The following IFNA13 variants were observed in gnomAD, a reference collection of about 807,000 sequenced individuals.
IFNA13 encodes interferon alpha-13.
For missense variants in IFNA13, 166 were observed against 220.7 expected, an observed-to-expected ratio of 0.75 and a Z score of 1.57; for synonymous variants, 61 against 86.3, an observed-to-expected ratio of 0.71 and a Z score of 1.62.
At chr9:21,367,438 T>A in exon 1 of IFNA13, 1 of 1,614,004 alleles carries the variant, frequency 6.2e-7, no homozygotes, top group East Asian at 2.2e-5. Context: ...GGACCAGGTG[T>A]TATTCCTTCC....
downstream of IFNA13, chr9:21,367,374 A>G: frequency 6.3e-7 from 1 of 1,595,198 alleles, no homozygotes; most frequent in South Asian, 1.1e-5. Context: ...TTGAAATGGC[A>G]GAATTCATGA....
exon 1 of IFNA13, chr9:21,367,742 T>G (rs761128431): frequency 6.9e-7 from 1 of 1,453,120 alleles, no homozygotes; most frequent in South Asian, 1.3e-5. Flanking sequence ...GGTAAAGAGG[T>G]TGAAGATCTG....
chr9:21,367,404 A>G (rs535510595), downstream of IFNA13: 5 of 1,612,820 alleles, frequency 3.1e-6, no homozygotes, highest in Non-Finnish European at 4.2e-6. Context: ...CTGGTATATG[A>G]GTCAATAAGA....
exon 1 of IFNA13, chr9:21,367,704 C>T: frequency 2.8e-6 from 4 of 1,432,400 alleles, no homozygotes; most frequent in East Asian, 2.4e-5. Context: ...AGGAGGTCCT[C>T]ATCCCAAGCA....
Position 21,367,520 on chromosome 9 carries a change from G to C in IFNA13, c.491C>G (p.Ala164Gly), listed in dbSNP as rs145283706. The change falls in exon 1 of 1, where the codon GCC becomes GGC. Residue 164 changes from alanine (A) to glycine (G), a missense_variant. Coordinates refer to ENST00000610660, the Ensembl canonical transcript of IFNA13. The stretch of plus-strand genomic sequence containing the variant: ...GATTTCTGCTCTGACAACCTCCCAG[G>C]CACAAGGGCTGTATTTCTTCTCTGT... The C allele has an allele frequency of 2.1e-3, 3,412 of 1,595,454 alleles. 30 individuals are homozygous for C. In the African/African-American group the frequency reaches 0.025, roughly 12 times the overall value.
chr9:21,367,512 C>T, exon 1 of IFNA13: 1 of 1,590,402 alleles, frequency 6.3e-7, no homozygotes, highest in Non-Finnish European at 8.5e-7. Flanking sequence ...GCTCTGACAA[C>T]CTCCCAGGCA....
chr9:21,367,443 C>T, exon 1 of IFNA13: 1 of 1,613,894 alleles, frequency 6.2e-7, no homozygotes, highest in South Asian at 1.1e-5. Context: ...AGGTGTTATT[C>T]CTTCCTCCTT....
downstream of IFNA13, chr9:21,367,381 A>G (rs1356895084): frequency 1.0e-5 from 16 of 1,599,500 alleles, no homozygotes; most frequent in Non-Finnish European, 1.4e-5. Flanking sequence ...GGCAGAATTC[A>G]TGAAAGCGTG....
Position 21,367,580 on chromosome 9 carries a change from A to G in IFNA13, c.431T>C (p.Val144Ala), listed in dbSNP as rs768784838. 1.6e-5 allele frequency: 25 copies of G among 1,604,646 alleles called. No individual in the cohort carries two copies. The South Asian group carries it at 2.2e-4, about 14-fold the overall frequency. The change falls in exon 1 of 1, where the codon GTG (valine) becomes GCG (alanine). Residue 144 changes from valine to alanine, a missense_variant. Val to Ala is a moderately conservative substitution (Grantham distance 64, BLOSUM62 0). Coordinates refer to ENST00000610660, the Ensembl canonical transcript of IFNA13. ...AGTGATTCTTCGGAAGTATTTCTTC[A>G]CAGCCAAGATGGAGTCCGCATTCAT...
At chr9:21,367,721 G>C in the IFNA13 span, 20 of 1,430,542 alleles carry the variant, frequency 1.4e-5, no homozygotes, top group Non-Finnish European at 1.8e-5. Flanking sequence ...AGCAGCAGAT[G>C]AATCTTTTGT....
Position 21,367,481 on chromosome 9 carries a change from G to A in IFNA13, c.530C>T (p.Ser177Phe), listed in dbSNP as rs555351965. 4.1e-5 allele frequency: 66 copies of A among 1,612,260 alleles called. 1 individual carries two copies. The East Asian group carries it at 1.4e-3, about 35-fold the overall frequency. ...TCTTTCTTGCAAGTTTGTTGATAAAGAGAGGGATCTCATGATTTCTGCTCT... is the reference window on the plus strand; with the variant it reads ...TCTTTCTTGCAAGTTTGTTGATAAAAAGAGGGATCTCATGATTTCTGCTCT... The change falls in exon 1 of 1, where the codon TCT becomes TTT. Residue 177 changes from serine to phenylalanine, a missense_variant. Ser to Phe is a radical substitution (Grantham distance 155). Coordinates refer to ENST00000610660, the Ensembl canonical transcript of IFNA13.
At chr9:21,367,435 G>T (rs111943210) in exon 1 of IFNA13, 1 of 1,612,920 alleles carries the variant, frequency 6.2e-7, no homozygotes, top group African/African-American at 1.3e-5. Flanking sequence ...GTTGGACCAG[G>T]TGTTATTCCT....
At chr9:21,367,819 C>G in exon 1 of IFNA13, 4 of 1,597,936 alleles carry the variant, frequency 2.5e-6, no homozygotes, top group African/African-American at 1.4e-5. Context: ...CAAACTCCTC[C>G]TGGGGAAATC....
exon 1 of IFNA13, chr9:21,367,883 G>T: frequency 6.2e-7 from 1 of 1,610,240 alleles, no homozygotes; most frequent in Non-Finnish European, 8.5e-7. Flanking sequence ...GCTCATTTGT[G>T]CCAGGAGCAT....
exon 1 of IFNA13, chr9:21,367,766 T>C (rs755508017): frequency 2.0e-6 from 3 of 1,506,284 alleles, no homozygotes; most frequent in Non-Finnish European, 1.8e-6. Context: ...GATCAGCTCA[T>C]GGAGGACAGA....
exon 1 of IFNA13, chr9:21,367,436 T>C: frequency 6.2e-7 from 1 of 1,613,944 alleles, no homozygotes; most frequent in South Asian, 1.1e-5. Context: ...TTGGACCAGG[T>C]GTTATTCCTT....
At chr9:21,367,805 C>A (rs748800194) in exon 1 of IFNA13, 4 of 1,587,064 alleles carry the variant, frequency 2.5e-6, no homozygotes, top group Non-Finnish European at 3.4e-6. Flanking sequence ...GAACTGGTTG[C>A]CATCAAACTC....
At chr9:21,367,439 T>A in exon 1 of IFNA13, 1 of 1,614,004 alleles carries the variant, frequency 6.2e-7, no homozygotes, top group Non-Finnish European at 8.5e-7. Context: ...GACCAGGTGT[T>A]ATTCCTTCCT....
chr9:21,367,586 A>C, exon 1 of IFNA13: 1 of 1,602,764 alleles, frequency 6.2e-7, no homozygotes, highest in Non-Finnish European at 8.5e-7. Flanking sequence ...CTTCACAGCC[A>C]AGATGGAGTC....
Sources: allele counts gnomAD v4.1 joint callset, GRCh38; gene constraint gnomAD v4.1.1; transcripts MANE v1.5; gene names NCBI Gene and HGNC (gene_info 2026-07-23, HGNC 2026-07-21).